Variants in ATAD2 observed in about 807,000 individuals in gnomAD.
ATAD2 encodes the protein ATPase family AAA domain-containing protein 2.
A neutral mutation model predicts 168.9 loss-of-function variants in ATAD2; 62 were observed. The observed-to-expected ratio is 0.37, with a 90% confidence interval of 0.30 to 0.45. ATAD2 has a LOEUF of 0.45. ATAD2 is among the 20% of genes least tolerant of loss of function. The pLI, the probability that ATAD2 is intolerant of heterozygous loss-of-function variation, is 1.00. For synonymous variants in ATAD2, 613 were observed against 571.6 expected, an observed-to-expected ratio of 1.07 and a Z score of -1.03; for missense variants, 1,419 against 1,667.8, an observed-to-expected ratio of 0.85 and a Z score of 2.60.
At chr8:123,389,452 T>A (rs554580078) in intron 1 of ATAD2, among the ~76,000 whole-genome samples, 27 of 150,104 alleles carry the variant, frequency 1.8e-4, no homozygotes, top group South Asian at 6.4e-4. Context: ...ATCCTGGCTA[T>A]CACGGTGAAA....
At chr8:123,332,287 C>G (rs1427260637) in intron 24 of ATAD2, among the ~76,000 whole-genome samples, 1 of 152,048 alleles carries the variant, frequency 6.6e-6, no homozygotes, top group Non-Finnish European at 1.5e-5. Flanking sequence ...TCGTATTATT[C>G]AAGGGTCAAT....
In ATAD2 at chr8:123,344,959, T is replaced by C; in HGVS notation, c.2643A>G (p.Leu881=). The C allele has an allele frequency of 6.2e-7, 1 of 1,614,126 alleles. No homozygotes were observed. The highest frequency in any genetic ancestry group is 8.5e-7 in the Non-Finnish European group (1 of 1,179,964). The part of the protein sequence containing the change: ...PTLKATFTTL[L]QNIPSFAPVL... ...CTGGAGCAAATGAAGGAATATTCTG[T>C]AATAATGTGGTAAATGTGGCTTTAA... Residue 881 remains leucine (L), a synonymous_variant, in exon 19 of 28, where the codon TTA becomes TTG. Transcript: ENST00000287394.
rs897045776 is a variant in ATAD2, at chr8:123,356,328, A to G, written c.1646+61T>C. The stretch of plus-strand genomic sequence containing the variant: ...TTCACCATTTAACATTCTATCTCTC[A>G]CACATCAATACCACTCAGGAAATAG... On this transcript the variant is annotated intron_variant, in intron 13 of 27. Transcript: ENST00000287394. The G allele has an allele frequency of 2.2e-6, 3 of 1,366,110 alleles. No homozygotes were observed. In the East Asian group the frequency reaches 7.2e-5, roughly 33 times the overall value. The allele number at this position is 1,366,110 out of a possible 1,614,324, so 84.6% of individuals were successfully genotyped here.
chr8:123,392,834 T>C (rs536699549), intron 1 of ATAD2, among the ~76,000 whole-genome samples: 1 of 152,270 alleles, frequency 6.6e-6, no homozygotes, highest in Non-Finnish European at 1.5e-5. Flanking sequence ...AGACTTTTAC[T>C]TAGATAGGGA....
intron 20 of ATAD2, 80 bp from the exon 21 acceptor site, chr8:123,337,901 G>T: frequency 7.7e-7 from 1 of 1,299,986 alleles, no homozygotes; most frequent in Non-Finnish European, 1.0e-6. Flanking sequence ...AACAGAGTCA[G>T]GATTTGAGGG....
upstream of ATAD2, among the ~76,000 whole-genome samples, chr8:123,399,369 G>T (rs1020363657): frequency 6.6e-5 from 10 of 152,206 alleles, no homozygotes; most frequent in Non-Finnish European, 1.5e-5. Context: ...ATAGTTAGAG[G>T]TGCAGGGAGT....
At position 123,323,687 on chromosome 8, in the gene ATAD2, A is replaced by G. The variant is rs553433571; in HGVS notation, c.4003-621T>C. ...GGCCATAGGTAATGGTCATAAAAACAATGTATGGGACCAATAATTTAGATC... is the reference window on the plus strand; with the variant it reads ...GGCCATAGGTAATGGTCATAAAAACGATGTATGGGACCAATAATTTAGATC... On this transcript the variant is annotated intron_variant, in intron 26 of 27. Transcript: ENST00000287394. Among the ~76,000 whole-genome samples the G allele has an allele frequency of 2.0e-5, 3 of 152,346 alleles. No individual in the cohort carries two copies. The East Asian group carries it at 5.8e-4, about 29-fold the overall frequency.
intron 2 of ATAD2, among the ~76,000 whole-genome samples, chr8:123,373,886 T>C (rs1393943742): frequency 6.6e-6 from 1 of 152,046 alleles, no homozygotes. Context: ...CTGCATCTGT[T>C]AATCAACCTA....
intron 2 of ATAD2, 46 bp from the exon 3 acceptor site, chr8:123,372,732 T>G: frequency 7.0e-7 from 1 of 1,427,004 alleles, no homozygotes; most frequent in Non-Finnish European, 9.5e-7. Flanking sequence ...TGACATAACT[T>G]TATTTTTATT....
chr8:123,353,824 A>G (rs1158643871), intron 13 of ATAD2, among the ~76,000 whole-genome samples: 1 of 152,178 alleles, frequency 6.6e-6, no homozygotes, highest in East Asian at 1.9e-4. Flanking sequence ...GATATTTGCA[A>G]TTCAAAGTAA....
chr8:123,321,325 A>G, intron 27 of ATAD2, 150 bp from the exon 28 acceptor site: 1 of 673,602 alleles, frequency 1.5e-6, no homozygotes, highest in Non-Finnish European at 2.4e-6. Flanking sequence ...TCAGTATTTA[A>G]GACTGCCACA....
Position 123,321,094 on chromosome 8 carries a change from T to C in ATAD2, c.*40A>G, listed in dbSNP as rs1315023053. 3 of 1,584,548 alleles carry C rather than the reference T, an allele frequency of 1.9e-6. No homozygotes were observed. The highest frequency in any genetic ancestry group is 2.6e-6 in the Non-Finnish European group (3 of 1,161,010). ...GCGGACATGACAAAAATGACTTAAA[T>C]AGGAACTGAATATAAAGAATACTCG... On this transcript the variant is annotated 3_prime_UTR_variant, in exon 28 of 28. Coordinates refer to ENST00000287394, the MANE Select transcript of ATAD2 (RefSeq NM_014109.4).
intron 1 of ATAD2, among the ~76,000 whole-genome samples, chr8:123,412,962 G>T (rs1813182936): frequency 6.6e-6 from 1 of 152,022 alleles, no homozygotes; most frequent in African/African-American, 2.4e-5. Flanking sequence ...ATAGGCCCCT[G>T]ACCTCCTTTT....
chr8:123,360,100 A>G (rs1828767514), intron 9 of ATAD2, among the ~76,000 whole-genome samples: 1 of 152,174 alleles, frequency 6.6e-6, no homozygotes, highest in African/African-American at 2.4e-5. Flanking sequence ...TCTTATGAGG[A>G]AGGTATTATT....
chr8:123,382,667 A>T (rs1308411605), intron 1 of ATAD2, among the ~76,000 whole-genome samples: 2 of 152,234 alleles, frequency 1.3e-5, no homozygotes, highest in Non-Finnish European at 2.9e-5. Flanking sequence ...CACACCAGTT[A>T]GAATGGTGAT....
chr8:123,415,794 C>A (rs1382793159), intron 1 of ATAD2, among the ~76,000 whole-genome samples: 1 of 152,132 alleles, frequency 6.6e-6, no homozygotes, highest in African/African-American at 2.4e-5. Context: ...GGAGTTTCAC[C>A]ATGTTGGCCA....
intron 2 of ATAD2, among the ~76,000 whole-genome samples, chr8:123,378,231 G>A (rs1829378566): frequency 6.6e-6 from 1 of 152,080 alleles, no homozygotes; most frequent in Admixed American, 6.6e-5. Flanking sequence ...ACATTGTCAT[G>A]TAATTGCTGA....
intron 2 of ATAD2, among the ~76,000 whole-genome samples, chr8:123,380,048 A>G (rs2129842964): frequency 6.6e-6 from 1 of 150,764 alleles, no homozygotes; most frequent in Non-Finnish European, 1.5e-5. Flanking sequence ...CACCATGCCC[A>G]GCTAATTTTG....
At chr8:123,333,231 C>CAAAAAAAAA (rs71310667) in intron 24 of ATAD2, among the ~76,000 whole-genome samples, 15 of 43,992 alleles carry the variant, frequency 3.4e-4, no homozygotes, top group African/African-American at 5.9e-4. Context: ...TCTAAAAATA[C>CAAAAAAAAA]AAAAAAAAAA....
Sources: allele counts gnomAD v4.1 joint callset (sites outside exome capture counted in the v4.1 genomes callset), GRCh38; gene constraint gnomAD v4.1.1; transcripts MANE v1.5; gene names NCBI Gene and HGNC (gene_info 2026-07-23, HGNC 2026-07-21).